The following RERE variants were observed in gnomAD, a reference collection of about 807,000 sequenced individuals.
RERE encodes arginine-glutamic acid dipeptide repeats.
A neutral mutation model predicts 146.1 loss-of-function variants in RERE; 40 were observed. The ratio of observed to expected loss-of-function variants is 0.27; its 90% confidence interval spans 0.21 to 0.36. The LOEUF is 0.36. Among genes scored for constraint, RERE ranks in the 10% least tolerant of loss-of-function variants. RERE has a pLI of 1.00. For missense variants in RERE, 1,933 were observed against 2,138.7 expected, an observed-to-expected ratio of 0.90 and a Z score of 1.90; for synonymous variants, 1,003 against 866.0, an observed-to-expected ratio of 1.16 and a Z score of -2.78.
At chr1:8,608,029 C>A (rs183542915) in intron 4 of RERE, among the ~76,000 whole-genome samples, 60 of 151,946 alleles carry the variant, frequency 3.9e-4, no homozygotes, top group Middle Eastern at 6.8e-3. Flanking sequence ...CCCAGCCTAA[C>A]GTTTTTGTTT....
At chr1:8,567,933 A>G (rs141099845) in intron 4 of RERE, among the ~76,000 whole-genome samples, 480 of 152,338 alleles carry the variant, frequency 3.2e-3, no homozygotes, top group African/African-American at 0.011. Context: ...CCCACAATGT[A>G]CTTCAACCTG....
chr1:8,586,574 CAGG>C (rs1570472913), intron 4 of RERE, among the ~76,000 whole-genome samples: 4 of 152,238 alleles, frequency 2.6e-5, no homozygotes, highest in South Asian at 4.1e-4. Context: ...GAAAGAAACT[CAGG>C]AGAAGGGAAG....
At chr1:8,815,738 G>A (rs1641898750) in intron 1 of RERE, among the ~76,000 whole-genome samples, 1 of 152,064 alleles carries the variant, frequency 6.6e-6, no homozygotes, top group Non-Finnish European at 1.5e-5. Flanking sequence ...CTCCCAAAAA[G>A]AGCTGTGTTT....
At chr1:8,805,629 A>G (rs1471163951) in intron 1 of RERE, among the ~76,000 whole-genome samples, 1 of 149,942 alleles carries the variant, frequency 6.7e-6, no homozygotes, top group African/African-American at 2.5e-5. Context: ...ACCCTGGGCG[A>G]TAAGAGTGAG....
intron 12 of RERE, among the ~76,000 whole-genome samples, chr1:8,369,040 T>C (rs920093067): frequency 6.6e-6 from 1 of 151,746 alleles, no homozygotes; most frequent in African/African-American, 2.4e-5. Flanking sequence ...TACAAAAAAG[T>C]TTAAAAAATT....
At chr1:8,690,895 A>T (rs1039570079) in intron 1 of RERE, among the ~76,000 whole-genome samples, 3 of 151,610 alleles carry the variant, frequency 2.0e-5, no homozygotes, top group African/African-American at 2.4e-5. Flanking sequence ...TTTTATTTTT[A>T]TTTATTTATT....
At chr1:8,635,018 A>G (rs992493404) in intron 2 of RERE, among the ~76,000 whole-genome samples, 2 of 152,226 alleles carry the variant, frequency 1.3e-5, no homozygotes, top group Non-Finnish European at 2.9e-5. Context: ...TAGAGGCGTG[A>G]GCCACCGCGC....
At chr1:8,757,646 A>G (rs942877336) in intron 1 of RERE, among the ~76,000 whole-genome samples, 1 of 152,154 alleles carries the variant, frequency 6.6e-6, no homozygotes, top group Non-Finnish European at 1.5e-5. Flanking sequence ...GGTAGAAACT[A>G]CTTCACTAAA....
intron 1 of RERE, among the ~76,000 whole-genome samples, chr1:8,711,637 G>C (rs1253320837): frequency 6.6e-6 from 1 of 152,202 alleles, no homozygotes; most frequent in African/African-American, 2.4e-5. Context: ...GGAAGAAAGA[G>C]CTCAGGGATG....
At chr1:8,578,113 G>T (rs1303460030) in intron 4 of RERE, among the ~76,000 whole-genome samples, 2 of 152,058 alleles carry the variant, frequency 1.3e-5, no homozygotes, top group African/African-American at 4.8e-5. Flanking sequence ...AAAAGGGCGG[G>T]GGGGAGAGGA....
Position 8,408,844 on chromosome 1 carries a change from G to A in RERE, c.1284+13883C>T, listed in dbSNP as rs149498394. Among the ~76,000 whole-genome samples, 27 of 152,300 alleles carry A rather than the reference G, an allele frequency of 1.8e-4. 1 individual carries two copies. The East Asian group carries it at 5.2e-3, about 29-fold the overall frequency. ...CTGCGGGGAGGTGGAGGCTGGGCTT[G>A]GGGCAGGAGGTGGTGGTGGTCAAAG... On this transcript the variant is annotated intron_variant, in intron 12 of 22. Transcript: ENST00000400908.
At chr1:8,421,880 C>T (rs1057447151) in intron 12 of RERE, among the ~76,000 whole-genome samples, 8 of 152,116 alleles carry the variant, frequency 5.3e-5, no homozygotes, top group Non-Finnish European at 7.4e-5. Flanking sequence ...TTAATGAGTC[C>T]TCCCTTCGCC....
chr1:8,689,127 T>A (rs988240168), intron 1 of RERE, among the ~76,000 whole-genome samples: 4 of 152,158 alleles, frequency 2.6e-5, no homozygotes, highest in Non-Finnish European at 4.4e-5. Flanking sequence ...AGTTTCTTTG[T>A]TGAAATTTCA....
chr1:8,572,174 A>C (rs1345419491), intron 4 of RERE, among the ~76,000 whole-genome samples: 1 of 152,188 alleles, frequency 6.6e-6, no homozygotes, highest in Admixed American at 6.5e-5. Context: ...TTTTGTTTCT[A>C]CTAGTTTTGA....
At chr1:8,753,126 G>A (rs947249161) in intron 1 of RERE, among the ~76,000 whole-genome samples, 1 of 152,094 alleles carries the variant, frequency 6.6e-6, no homozygotes, top group Non-Finnish European at 1.5e-5. Context: ...TCTCTCTCCA[G>A]TATAATCTTC....
At chr1:8,470,522 G>C (rs1043304366) in intron 10 of RERE, among the ~76,000 whole-genome samples, 1 of 152,020 alleles carries the variant, frequency 6.6e-6, no homozygotes, top group Admixed American at 6.6e-5. Context: ...CAAAGTGCTG[G>C]GATTACAGGC....
At chr1:8,807,436 T>C (rs1382811009) in intron 1 of RERE, among the ~76,000 whole-genome samples, 2 of 152,206 alleles carry the variant, frequency 1.3e-5, no homozygotes, top group Admixed American at 1.3e-4. Context: ...TGTCAGAATG[T>C]AGGGCTGCTT....
chr1:8,379,115 A>G (rs762526300), intron 12 of RERE, among the ~76,000 whole-genome samples: 2 of 152,168 alleles, frequency 1.3e-5, no homozygotes, highest in Non-Finnish European at 1.5e-5. Context: ...CTGTGGATCT[A>G]AAGACAGCTG....
intron 8 of RERE, among the ~76,000 whole-genome samples, chr1:8,498,524 C>T (rs1380281411): frequency 1.3e-5 from 2 of 151,326 alleles, no homozygotes; most frequent in Non-Finnish European, 2.9e-5. Context: ...GATAAAACCC[C>T]GTCACTACTA....
Sources: gnomAD v4.1 joint callset for allele counts (sites outside exome capture counted in the v4.1 genomes callset) on GRCh38, gnomAD v4.1.1 for gene constraint, MANE v1.5 for transcripts, NCBI Gene and HGNC (gene_info 2026-07-23, HGNC 2026-07-21) for gene names.